The following FAM118B variants were observed in gnomAD, a reference collection of about 807,000 sequenced individuals.
FAM118B encodes the protein SIR2 antiphage like 1.
In FAM118B, 24 loss-of-function variants were observed where a neutral mutation model predicts 38.5. That is an observed-to-expected ratio of 0.62 (90% confidence interval 0.45 to 0.88). FAM118B has a LOEUF of 0.88. Among genes scored for constraint, FAM118B ranks in the 40% least tolerant of loss-of-function variants. FAM118B has a pLI of 0.00. For synonymous variants in FAM118B, 138 were observed against 156.3 expected, an observed-to-expected ratio of 0.88 and a Z score of 0.87; for missense variants, 334 against 420.0, an observed-to-expected ratio of 0.80 and a Z score of 1.79.
Position 126,255,271 on chromosome 11 carries a change from C to T in FAM118B, c.696+838C>T, listed in dbSNP as rs1010648628. On this transcript the variant is annotated intron_variant, in intron 6 of 8. Transcript: ENST00000533050. The surrounding 1 kb of genome is among the most constrained non-coding windows in gnomAD (Gnocchi z 4.6). ...AACCAGAAGTATTCGCTGCCCCCAG[C>T]TCTAAGAATCTTGTTTGCTGTTTTC... 6.6e-6 allele frequency among the ~76,000 whole-genome samples: 1 copy of T among 152,200 alleles called. No individual in the cohort carries two copies. Among genetic ancestry groups the T allele is most frequent in the African/African-American group, 2.4e-5 (1 of 41,476 alleles).
intron 2 of FAM118B, chr11:126,233,720 G>T (rs1285176290): frequency 2.2e-6 from 1 of 456,380 alleles, no homozygotes; most frequent in Non-Finnish European, 4.4e-6. Flanking sequence ...ATGGACTATG[G>T]GGTGAGGATG....
At chr11:126,240,664 AAAAC>A in intron 3 of FAM118B, 124 bp from the exon 4 acceptor site, 6 of 956,438 alleles carry the variant, frequency 6.3e-6, no homozygotes, top group Non-Finnish European at 9.2e-6. Flanking sequence ...AAAGGTGTCA[AAAAC>A]TGCTGTTCAT....
chr11:126,214,104 T>G (rs992930234), intron 1 of FAM118B, among the ~76,000 whole-genome samples: 1 of 151,544 alleles, frequency 6.6e-6, no homozygotes, highest in Admixed American at 6.6e-5. Context: ...ATCCCAGCAC[T>G]TTGGGAGGCT....
intron 2 of FAM118B, 120 bp downstream of exon 2, chr11:126,229,413 A>C (rs953910125): frequency 1.6e-4 from 25 of 152,148 alleles, no homozygotes; most frequent in Non-Finnish European, 2.9e-5. Context: ...TTTATAATAG[A>C]AAATAACAAG....
rs1334135181 is a variant in FAM118B, at chr11:126,244,376, G to T, written c.339+3332G>T. The stretch of plus-strand genomic sequence containing the variant: ...TATTAGAACTAACAAGCTTAGCAAG[G>T]TTGGAGAATCCGGGATCAATATATA... On this transcript the variant is annotated intron_variant, in intron 4 of 8. Coordinates refer to ENST00000533050, the MANE Select transcript of FAM118B (RefSeq NM_024556.4). This position sits in a 1 kb window ranked among gnomAD's most constrained non-coding sequence, Gnocchi z 4.5. Among the ~76,000 whole-genome samples, 2 of 152,186 alleles carry T rather than the reference G, an allele frequency of 1.3e-5. No individual in the cohort carries two copies. Among genetic ancestry groups the T allele is most frequent in the Non-Finnish European group, 2.9e-5 (2 of 68,034 alleles).
chr11:126,223,547 G>A (rs1048159494), intron 1 of FAM118B, among the ~76,000 whole-genome samples: 5 of 149,084 alleles, frequency 3.4e-5, no homozygotes, highest in African/African-American at 7.5e-5. Context: ...GCAGTGAGCC[G>A]AGATCGCCAC....
At chr11:126,219,448 C>T (rs941604775) in intron 1 of FAM118B, among the ~76,000 whole-genome samples, 5 of 129,466 alleles carry the variant, frequency 3.9e-5, no homozygotes, top group African/African-American at 1.4e-4. Context: ...ACTGCAGCCT[C>T]GACCTCCTGG....
chr11:126,230,948 T>A (rs532693654), intron 2 of FAM118B, among the ~76,000 whole-genome samples: 17 of 152,234 alleles, frequency 1.1e-4, no homozygotes. Context: ...TCCTTTTCTC[T>A]TGTCCCTTTA....
In FAM118B at chr11:126,262,326, C is replaced by T. The variant is rs1379417866; in HGVS notation, c.*193C>T. The T allele has an allele frequency of 1.0e-5, 6 of 578,628 alleles. No individual in the cohort carries two copies. Among genetic ancestry groups the T allele is most frequent in the African/African-American group, 5.7e-5 (3 of 52,424 alleles). 35.8% of individuals were successfully genotyped at this position (578,628 alleles called of 1,614,324 possible). A position where few individuals can be genotyped will look rare whatever the true frequency, so the allele number is the denominator to read the frequency against. ...TACCACCTGGTTCTTGATATTCTGC[C>T]GCCTGTTCAAGTTCAAGAATAAAAG... On this transcript the variant is annotated 3_prime_UTR_variant, in exon 9 of 9. Coordinates refer to ENST00000533050, the MANE Select transcript of FAM118B (RefSeq NM_024556.4).
chr11:126,228,790 AC>A (rs1950174251), intron 1 of FAM118B, among the ~76,000 whole-genome samples: 1 of 150,958 alleles, frequency 6.6e-6, no homozygotes, highest in Admixed American at 6.6e-5. Context: ...TGAACTCCTG[AC>A]CTCTTGATCC....
At position 126,250,587 on chromosome 11, in the gene FAM118B, T is replaced by G; in HGVS notation, c.421T>G (p.Ser141Ala). 1 of 1,614,118 alleles carries G rather than the reference T, an allele frequency of 6.2e-7. No homozygotes were observed. The highest frequency in any genetic ancestry group is 1.1e-5 in the South Asian group (1 of 91,084). ...TGACTTGGAGTCAAAGATGGAAGATTCTGGAAAACAGCTACTTCAGTCAGT... is the reference window on the plus strand; with the variant it reads ...TGACTTGGAGTCAAAGATGGAAGATGCTGGAAAACAGCTACTTCAGTCAGT... ...FDDLESKMED[S>A]GKQLLQSVLH... The change falls in exon 5 of 9, where the codon TCT becomes GCT. Residue 141 changes from serine (S) to alanine (A), a missense_variant. Transcript: ENST00000533050. This position sits in a 1 kb window ranked among gnomAD's most constrained non-coding sequence, Gnocchi z 5.1.
chr11:126,258,602 T>C (rs539578797), intron 7 of FAM118B, among the ~76,000 whole-genome samples: 1 of 152,326 alleles, frequency 6.6e-6, no homozygotes, highest in East Asian at 1.9e-4. Context: ...TATTTACTAT[T>C]CTTTGTTGGA....
chr11:126,219,777 C>T (rs932851599), intron 1 of FAM118B, among the ~76,000 whole-genome samples: 1 of 152,036 alleles, frequency 6.6e-6, no homozygotes. Context: ...CCTCCCTACC[C>T]CCAGCCACTA....
chr11:126,220,929 G>A (rs1473149432), intron 1 of FAM118B, among the ~76,000 whole-genome samples: 2 of 152,098 alleles, frequency 1.3e-5, no homozygotes, highest in Non-Finnish European at 2.9e-5. Context: ...GCTCATGCCT[G>A]TAATCCCACC....
chr11:126,221,076 A>G (rs920480028), intron 1 of FAM118B, among the ~76,000 whole-genome samples: 10 of 152,128 alleles, frequency 6.6e-5, no homozygotes, highest in Non-Finnish European at 1.3e-4. Flanking sequence ...AATCCCAGCT[A>G]CTTGGGAGCC....
At chr11:126,219,508 C>T (rs1232885312) in intron 1 of FAM118B, among the ~76,000 whole-genome samples, 2 of 151,646 alleles carry the variant, frequency 1.3e-5, no homozygotes, top group Non-Finnish European at 2.9e-5. Context: ...GGACCATAGG[C>T]ATATGCCACC....
At chr11:126,241,976 G>C (rs1231550802) in intron 4 of FAM118B, among the ~76,000 whole-genome samples, 1 of 149,598 alleles carries the variant, frequency 6.7e-6, no homozygotes, top group Non-Finnish European at 1.5e-5. Context: ...ACTGAGTTGC[G>C]GTCGCGCCAC....
At chr11:126,231,984 C>G (rs556841339) in intron 2 of FAM118B, among the ~76,000 whole-genome samples, 95 of 152,276 alleles carry the variant, frequency 6.2e-4, no homozygotes, top group African/African-American at 2.1e-3. Context: ...GATTACTTGG[C>G]ATTACTTCAA....
chr11:126,219,349 C>CTTTT lies in FAM118B; in HGVS notation c.-77+7556_-77+7559dup, dbSNP rs549922825. ...AGCTTATCCTTCAGCTCTTGTTTAT[C>CTTTT]TTTTTTTTTTTTTTTTTTTTTTTTT... On this transcript the variant is annotated intron_variant, in intron 1 of 8. Transcript: ENST00000533050. 7.2e-4 allele frequency among the ~76,000 whole-genome samples: 32 copies of CTTTT among 44,466 alleles called. 4 individuals carry two copies. The highest frequency in any genetic ancestry group is 8.9e-4 in the Non-Finnish European group (23 of 25,872). The allele number at this position is 44,466 out of a possible 152,430, so 29.2% of individuals were successfully genotyped here.
Sources: gnomAD v4.1 joint callset for allele counts (sites outside exome capture counted in the v4.1 genomes callset) on GRCh38, gnomAD v4.1.1 for gene constraint, Gnocchi (gnomAD v3.1) non-coding constraint, MANE v1.5 for transcripts, NCBI Gene and HGNC (gene_info 2026-07-23, HGNC 2026-07-21) for gene names.